ZNF385A: variants seen among roughly 807,000 people sequenced by gnomAD.
The protein encoded by ZNF385A is zinc finger protein 385A.
In ZNF385A, 14 loss-of-function variants were observed where a neutral mutation model predicts 32.1. The observed-to-expected ratio is 0.44, with a 90% confidence interval of 0.29 to 0.68. The LOEUF (loss-of-function observed/expected upper bound fraction) is 0.68, where lower values mean the gene tolerates loss of function less well. Among genes scored for constraint, ZNF385A ranks in the 30% least tolerant of loss-of-function variants. The pLI is 0.14. For synonymous variants in ZNF385A, 197 were observed against 202.7 expected, an observed-to-expected ratio of 0.97 and a Z score of 0.24; for missense variants, 406 against 478.4, an observed-to-expected ratio of 0.85 and a Z score of 1.41.
chr12:54,387,379 T>C (rs1955517783), upstream of ZNF385A, among the ~76,000 whole-genome samples: 1 of 152,122 alleles, frequency 6.6e-6, no homozygotes, highest in African/African-American at 2.4e-5. Flanking sequence ...ACTTCCCAGA[T>C]TCCTGGGTCC....
At chr12:54,391,128 G>C in intron 1 of ZNF385A, 2 of 1,221,462 alleles carry the variant, frequency 1.6e-6, no homozygotes, top group Non-Finnish European at 1.1e-6. Context: ...GGTCGCTGAC[G>C]GGCGGCCGCA....
chr12:54,387,491 C>G (rs899215752), upstream of ZNF385A, among the ~76,000 whole-genome samples: 1 of 152,216 alleles, frequency 6.6e-6, no homozygotes, highest in Non-Finnish European at 1.5e-5. Flanking sequence ...AGGCCTCTCC[C>G]TCTCTTTTTC....
intron 1 of ZNF385A, among the ~76,000 whole-genome samples, chr12:54,380,786 C>T (rs1955118369): frequency 6.6e-6 from 1 of 152,160 alleles, no homozygotes; most frequent in Non-Finnish European, 1.5e-5. Flanking sequence ...ACTGATTGAG[C>T]ACTTAGTTTG....
At chr12:54,384,863 T>G, upstream of ZNF385A, 1 of 1,125,418 alleles carries the variant, frequency 8.9e-7, no homozygotes, top group Non-Finnish European at 1.1e-6. Context: ...TCATACCTTT[T>G]CTGCAGGCTG....
chr12:54,379,002 C>T, intron 1 of ZNF385A: 1 of 952,948 alleles, frequency 1.0e-6, no homozygotes, highest in Non-Finnish European at 1.2e-6. Context: ...CGGGCGGGGA[C>T]GGGGTGGGGG....
chr12:54,375,478 C>A (rs1268245441), intron 2 of ZNF385A, among the ~76,000 whole-genome samples: 1 of 152,114 alleles, frequency 6.6e-6, no homozygotes, highest in Admixed American at 6.5e-5. Context: ...AGCCAATGAC[C>A]TAACTCTGCC....
chr12:54,374,193 C>A, intron 2 of ZNF385A, 58 bp from the exon 3 acceptor site: 2 of 1,356,372 alleles, frequency 1.5e-6, no homozygotes, highest in Non-Finnish European at 1.9e-6. Flanking sequence ...GACCGATCTC[C>A]CCACAGAGCT....
intron 1 of ZNF385A, among the ~76,000 whole-genome samples, chr12:54,390,867 G>A (rs1256676559): frequency 6.6e-6 from 1 of 151,816 alleles, no homozygotes; most frequent in Non-Finnish European, 1.5e-5. Context: ...GCGGGAGACG[G>A]GTCAGAACCT....
At position 54,370,249 on chromosome 12, in the gene ZNF385A, G is replaced by GTTC. The variant is rs1954445832; in HGVS notation, c.*6_*7insGAA. The GTTC allele has an allele frequency of 6.9e-7, 1 of 1,450,368 alleles. No individual in the cohort carries two copies. The highest frequency in any genetic ancestry group is 1.4e-5 in the African/African-American group (1 of 69,600). The allele number at this position is 1,450,368 out of a possible 1,614,324, so 89.8% of individuals were successfully genotyped here. A position where few individuals can be genotyped will look rare whatever the true frequency, so the allele number is the denominator to read the frequency against. On this transcript the variant is annotated 3_prime_UTR_variant, in exon 7 of 7. Transcript: ENST00000394313. The surrounding 1 kb of genome is among the most constrained non-coding windows in gnomAD (Gnocchi z 5.5). Reference sequence around the variant, plus strand: ...GGGAGTTGAATGGGAGGGGTTCAGGGTTGAGGTCAGTACGGGGAGAAGAGG... The same window carrying GTTC: ...GGGAGTTGAATGGGAGGGGTTCAGGGTTCTTGAGGTCAGTACGGGGAGAAGAGG...
chr12:54,386,192 A>ACACACACG (rs1555162824), upstream of ZNF385A, among the ~76,000 whole-genome samples: 3 of 148,454 alleles, frequency 2.0e-5, no homozygotes, highest in African/African-American at 7.6e-5. Flanking sequence ...ACACACACAC[A>ACACACACG]CACACACACA....
At chr12:54,377,353 CCTCT>C (rs1008269985) in intron 1 of ZNF385A, among the ~76,000 whole-genome samples, 3 of 152,152 alleles carry the variant, frequency 2.0e-5, no homozygotes, top group Non-Finnish European at 4.4e-5. Flanking sequence ...TGGAAAGAAG[CCTCT>C]CTAAGGGCTC....
At chr12:54,389,992 GC>G (rs2120394868) in intron 1 of ZNF385A, among the ~76,000 whole-genome samples, 1 of 152,208 alleles carries the variant, frequency 6.6e-6, no homozygotes, top group South Asian at 2.1e-4. Flanking sequence ...TGGAGGAAGG[GC>G]AGAAGGACAA....
chr12:54,391,171 G>A (rs1955630849), intron 1 of ZNF385A: 1 of 1,457,314 alleles, frequency 6.9e-7, no homozygotes, highest in South Asian at 1.3e-5. Context: ...GTGGAGGGGG[G>A]CGGTGGGTGA....
chr12:54,371,459 AG>A lies in ZNF385A; in HGVS notation c.604+13del. 2 of 1,599,358 alleles carry A rather than the reference AG, an allele frequency of 1.3e-6. No homozygotes were observed. The highest frequency in any genetic ancestry group is 8.5e-7 in the Non-Finnish European group (1 of 1,176,502). ...AGGACAGGAGAGTCTGGGTGGGGGC[AG>A]GGGAGTCCATACCTTTGTTATGTGC... On this transcript the variant is annotated intron_variant, in intron 4 of 6. Coordinates refer to ENST00000394313, the MANE Select transcript of ZNF385A (RefSeq NM_015481.3).
At position 54,370,787 on chromosome 12, in the gene ZNF385A, C is replaced by T. The variant is rs1954500754; in HGVS notation, c.775-66G>A. ...AGGGGCAACAGCGAGGGAGTATAAT[C>T]AAGCTCCAAGCACCGGCCCCCTCCC... is the stretch of plus-strand genomic sequence containing the variant. On this transcript the variant is annotated intron_variant, in intron 5 of 6. Coordinates refer to ENST00000394313, the MANE Select transcript of ZNF385A (RefSeq NM_015481.3). This position sits in a 1 kb window ranked among gnomAD's most constrained non-coding sequence, Gnocchi z 5.5. 1 of 1,585,796 alleles carries T rather than the reference C, an allele frequency of 6.3e-7. No homozygotes were observed. Among genetic ancestry groups the T allele is most frequent in the South Asian group, 1.1e-5 (1 of 89,654 alleles).
At chr12:54,388,046 A>AGT (rs10665764), upstream of ZNF385A, among the ~76,000 whole-genome samples, 14,009 of 140,318 alleles carry the variant, frequency 0.1, 687 homozygotes, top group East Asian at 0.2. Context: ...AGTGTGTGTA[A>AGT]GTGTGTGTGT....
upstream of ZNF385A, among the ~76,000 whole-genome samples, chr12:54,386,433 G>A (rs971780103): frequency 3.9e-5 from 6 of 152,148 alleles, no homozygotes; most frequent in Admixed American, 1.3e-4. Flanking sequence ...AACAGAGACA[G>A]CGAGAAAGAT....
At position 54,370,202 on chromosome 12, in the gene ZNF385A, G is replaced by A. The variant is rs1201947831; in HGVS notation, c.*54C>T. 3 of 1,342,120 alleles carry A rather than the reference G, an allele frequency of 2.2e-6. No homozygotes were observed. Among genetic ancestry groups the A allele is most frequent in the Non-Finnish European group, 2.9e-6 (3 of 1,021,358 alleles). 83.1% of individuals were successfully genotyped at this position (1,342,120 alleles called of 1,614,324 possible). ...GGAGGGGCGGGCTGGGAGCCCGGAC[G>A]CCTGGGTCCCGGCTGGAGGTGGGGA... On this transcript the variant is annotated 3_prime_UTR_variant, in exon 7 of 7. Coordinates refer to ENST00000394313, the MANE Select transcript of ZNF385A (RefSeq NM_015481.3). The surrounding 1 kb of genome is among the most constrained non-coding windows in gnomAD (Gnocchi z 5.5).
chr12:54,388,821 T>A (rs1411796929), upstream of ZNF385A, among the ~76,000 whole-genome samples: 3 of 152,140 alleles, frequency 2.0e-5, no homozygotes, highest in Non-Finnish European at 4.4e-5. Flanking sequence ...TTTGAACCCC[T>A]GGGTCTTTTT....
Sources: allele counts gnomAD v4.1 joint callset (sites outside exome capture counted in the v4.1 genomes callset), GRCh38; gene constraint gnomAD v4.1.1; non-coding constraint Gnocchi (gnomAD v3.1); transcripts MANE v1.5; gene names NCBI Gene and HGNC (gene_info 2026-07-23, HGNC 2026-07-21).